The following CTNNA2 variants were observed in gnomAD, a reference collection of about 807,000 sequenced individuals.
The protein encoded by CTNNA2 is catenin alpha 2.
In CTNNA2, 42 loss-of-function variants were observed where a neutral mutation model predicts 101.0. The observed-to-expected ratio is 0.42, with a 90% CI of 0.32 to 0.54. CTNNA2 has a LOEUF of 0.54. CTNNA2 is among the 20% of genes least tolerant of loss of function. The pLI is 0.14. For synonymous variants in CTNNA2, 450 were observed against 456.4 expected, an observed-to-expected ratio of 0.99 and a Z score of 0.18; for missense variants, 871 against 1,223.1, an observed-to-expected ratio of 0.71 and a Z score of 4.29.
intron 4 of CTNNA2, among the ~76,000 whole-genome samples, chr2:79,399,496 A>G (rs1227144557): frequency 6.6e-6 from 1 of 152,092 alleles, no homozygotes. Context: ...TCTCTAACCA[A>G]TCATTAACTG....
chr2:80,095,276 A>G (rs372419330), intron 7 of CTNNA2, among the ~76,000 whole-genome samples: 1 of 151,292 alleles, frequency 6.6e-6, no homozygotes, highest in Non-Finnish European at 1.5e-5. Context: ...GGTTTTTGTC[A>G]TTGGTTCTGT....
chr2:80,335,688 C>A (rs1047698109), intron 7 of CTNNA2, among the ~76,000 whole-genome samples: 2 of 152,180 alleles, frequency 1.3e-5, no homozygotes, highest in African/African-American at 4.8e-5. Flanking sequence ...CACATTAGAG[C>A]TTTCCAATTG....
chr2:80,272,185 A>G (rs1327857331), intron 7 of CTNNA2, among the ~76,000 whole-genome samples: 3 of 152,228 alleles, frequency 2.0e-5, no homozygotes, highest in Admixed American at 6.5e-5. Flanking sequence ...CATAAATAAC[A>G]GTTCACTAAA....
chr2:79,404,038 T>C (rs1233366185), intron 4 of CTNNA2, among the ~76,000 whole-genome samples: 2 of 152,010 alleles, frequency 1.3e-5, no homozygotes, highest in African/African-American at 4.8e-5. Flanking sequence ...TAGAATTTAC[T>C]AGAATTCTTG....
At position 79,361,027 on chromosome 2, in the gene CTNNA2, G is replaced by A. The variant is rs1016425797; in HGVS notation, c.-317-12804G>A. Among the ~76,000 whole-genome samples the A allele has an allele frequency of 1.2e-4, 19 of 152,184 alleles. 1 individual carries two copies. Among genetic ancestry groups the A allele is most frequent in the Admixed American group, 9.8e-4 (15 of 15,268 alleles). On this transcript the variant is annotated intron_variant, in intron 3 of 21. Transcript: ENST00000466387. ...GGTCAAGGGTTTTAAGCATGCACAG[G>A]CCTGAGGAAGCCACAAGCTCCTCTT...
At chr2:79,930,200 G>A (rs34776734) in intron 7 of CTNNA2, among the ~76,000 whole-genome samples, 29,767 of 150,110 alleles carry the variant, frequency 0.2, 3,544 homozygotes, top group Non-Finnish European at 0.27. Flanking sequence ...CCAAGATCAT[G>A]CCATTGCACT....
intron 7 of CTNNA2, among the ~76,000 whole-genome samples, chr2:80,116,023 T>C (rs1701493055): frequency 1.3e-5 from 2 of 151,496 alleles, no homozygotes; most frequent in African/African-American, 4.9e-5. Context: ...TTGTAAAGAA[T>C]GTCTTATGGT....
At chr2:79,582,827 A>G (rs1676231163) in intron 1 of CTNNA2, among the ~76,000 whole-genome samples, 1 of 152,284 alleles carries the variant, frequency 6.6e-6, no homozygotes, top group Admixed American at 6.5e-5. Context: ...AAATGTATGC[A>G]ATCAATGTAA....
intron 2 of CTNNA2, chr2:79,697,841 CATA>C (rs1343113400): frequency 6.6e-6 from 1 of 151,900 alleles, no homozygotes; most frequent in African/African-American, 2.4e-5. Flanking sequence ...AGATTTTCTT[CATA>C]ATAAGTGGCA....
chr2:79,946,708 C>T (rs1274421660), intron 7 of CTNNA2, among the ~76,000 whole-genome samples: 1 of 152,158 alleles, frequency 6.6e-6, no homozygotes, highest in African/African-American at 2.4e-5. Flanking sequence ...TGAGCCCCCA[C>T]AGTGGGCTAC....
At chr2:79,345,572 A>G (rs1416107274) in intron 3 of CTNNA2, among the ~76,000 whole-genome samples, 1 of 152,186 alleles carries the variant, frequency 6.6e-6, no homozygotes, top group South Asian at 2.1e-4. Flanking sequence ...CTGAGGAATT[A>G]TTAGTCACGG....
intron 6 of CTNNA2, among the ~76,000 whole-genome samples, chr2:79,890,036 G>T (rs140712653): frequency 6.6e-6 from 1 of 152,298 alleles, no homozygotes; most frequent in African/African-American, 2.4e-5. Context: ...TGAATACTAA[G>T]AATGTAAGTT....
intron 7 of CTNNA2, among the ~76,000 whole-genome samples, chr2:79,974,038 A>G (rs77552434): frequency 6.6e-6 from 1 of 152,066 alleles, no homozygotes; most frequent in Non-Finnish European, 1.5e-5. Context: ...ACTTTTTGTT[A>G]TCAGGCATTC....
chr2:79,854,166 T>A (rs886218721), intron 3 of CTNNA2, among the ~76,000 whole-genome samples: 1 of 152,174 alleles, frequency 6.6e-6, no homozygotes. Context: ...ATAAGTACTT[T>A]TATTGAGCAT....
chr2:79,247,784 G>T (rs541727267), intron 2 of CTNNA2, among the ~76,000 whole-genome samples: 5 of 152,166 alleles, frequency 3.3e-5, no homozygotes, highest in Non-Finnish European at 5.9e-5. Context: ...CTTGACAGAA[G>T]CAGAAAGTGA....
At chr2:80,192,795 G>A (rs1439258405) in intron 7 of CTNNA2, among the ~76,000 whole-genome samples, 1 of 152,142 alleles carries the variant, frequency 6.6e-6, no homozygotes, top group Non-Finnish European at 1.5e-5. Context: ...TTACAGGCGC[G>A]AGCCACCGCA....
intron 2 of CTNNA2, among the ~76,000 whole-genome samples, chr2:79,212,728 C>T (rs897425257): frequency 2.6e-5 from 4 of 152,156 alleles, no homozygotes; most frequent in African/African-American, 9.7e-5. Flanking sequence ...TAGGAAAGGC[C>T]TCTACCTATC....
At chr2:80,641,497 A>G (rs1215180926) in intron 18 of CTNNA2, among the ~76,000 whole-genome samples, 1 of 152,170 alleles carries the variant, frequency 6.6e-6, no homozygotes, top group Admixed American at 6.6e-5. Flanking sequence ...CCCGGCCTCC[A>G]CAAGTTAACA....
At chr2:80,306,157 G>A (rs114628419) in intron 7 of CTNNA2, among the ~76,000 whole-genome samples, 3,357 of 152,168 alleles carry the variant, frequency 0.022, 59 homozygotes, top group Middle Eastern at 0.041. Context: ...ATTCATCTGA[G>A]CTCTGCCCTG....
Sources: allele counts gnomAD v4.1 joint callset (sites outside exome capture counted in the v4.1 genomes callset), GRCh38; gene constraint gnomAD v4.1.1; transcripts MANE v1.5; gene names NCBI Gene and HGNC (gene_info 2026-07-23, HGNC 2026-07-21).